The following ACER1 variants were observed in gnomAD, a reference collection of about 807,000 sequenced individuals.
ACER1 encodes alkaline ceramidase 1, also known as CTB-180A7.3.
Under a neutral mutation model 24.9 loss-of-function variants are expected in ACER1, and 28 were observed. The observed-to-expected ratio is 1.13, with a 90% CI of 0.83 to 1.54. ACER1 has a LOEUF of 1.54. Ranked by LOEUF, ACER1 falls within the 40% of genes most tolerant of loss-of-function variation. The pLI, the probability that ACER1 is intolerant of heterozygous loss-of-function variation, is 0.00. For synonymous variants in ACER1, 132 were observed against 131.4 expected, an observed-to-expected ratio of 1.00 and a Z score of -0.03; for missense variants, 352 against 349.3, an observed-to-expected ratio of 1.01 and a Z score of -0.06.
chr19:6,309,931 G>C (rs2091569587), intron 3 of ACER1, 97 bp from the exon 4 acceptor site: 1 of 1,494,708 alleles, frequency 6.7e-7, no homozygotes, highest in East Asian at 2.4e-5. Context: ...GGTGAGAAAA[G>C]GACAGGATTC....
Position 6,306,794 on chromosome 19 carries a change from T to C in ACER1, c.715A>G (p.Lys239Glu), listed in dbSNP as rs868034937. ...ANYEMPGETL[K>E]VRYWPRDSWP... ...CTGTCCCGAGGCCAGTAGCGGACTT[T>C]GAGGGTTTCACCTGGCATCTCATAG... is the stretch of plus-strand genomic sequence containing the variant. The change falls in exon 6 of 6, where the codon AAA becomes GAA. Residue 239 changes from lysine to glutamate, a missense_variant. By Grantham distance (56) the Lys-to-Glu change is moderately conservative (BLOSUM62 1). Transcript: ENST00000301452. 5 of 1,614,154 alleles carry C rather than the reference T, an allele frequency of 3.1e-6. No individual in the cohort carries two copies. The African/African-American group carries it at 6.7e-5, about 22-fold the overall frequency.
chr19:6,343,586 CCAT>C, the ACER1 span, among the ~76,000 whole-genome samples: 4,805 of 152,180 alleles, frequency 0.032, 263 homozygotes, highest in African/African-American at 0.11. Flanking sequence ...GCCTCCATAC[CCAT>C]CATGTGGCCC....
At chr19:6,337,030 G>A (rs1349586105), upstream of ACER1, among the ~76,000 whole-genome samples, 1 of 151,688 alleles carries the variant, frequency 6.6e-6, no homozygotes, top group East Asian at 1.9e-4. Flanking sequence ...ACAAAAATTA[G>A]CCTGGTGTGG....
At chr19:6,337,155 G>T (rs1441379230), upstream of ACER1, among the ~76,000 whole-genome samples, 1 of 147,752 alleles carries the variant, frequency 6.8e-6, no homozygotes, top group Non-Finnish European at 1.5e-5. Flanking sequence ...CAGCCTGGGC[G>T]ACAGGGTGAG....
At chr19:6,356,207 C>T in the ACER1 span, among the ~76,000 whole-genome samples, 1 of 149,922 alleles carries the variant, frequency 6.7e-6, no homozygotes, top group African/African-American at 2.5e-5. Flanking sequence ...TGTGCTGTGT[C>T]CACTCAGGGT....
chr19:6,334,052 GTT>G (rs112838660), upstream of ACER1, among the ~76,000 whole-genome samples: 7,346 of 143,960 alleles, frequency 0.051, 267 homozygotes, highest in African/African-American at 0.11. Flanking sequence ...CTAGCTAATT[GTT>G]TTTTTTTTTG....
chr19:6,342,448 GGTGGCTC>G, the ACER1 span, among the ~76,000 whole-genome samples: 1 of 151,870 alleles, frequency 6.6e-6, no homozygotes, highest in Admixed American at 6.6e-5. Flanking sequence ...GACCGGGAGT[GGTGGCTC>G]ACACCTGTAA....
chr19:6,343,806 C>T, the ACER1 span: 2 of 152,206 alleles, frequency 1.3e-5, no homozygotes, highest in East Asian at 3.8e-4. Flanking sequence ...GAGCCTGAAT[C>T]TTTAAACCAC....
chr19:6,325,069 T>C (rs899964796), intron 1 of ACER1, among the ~76,000 whole-genome samples: 5 of 152,140 alleles, frequency 3.3e-5, no homozygotes, highest in African/African-American at 4.8e-5. Context: ...TGCTGACTTC[T>C]GTTCCTGTTG....
intron 1 of ACER1, among the ~76,000 whole-genome samples, chr19:6,317,469 G>A (rs1227912901): frequency 6.6e-6 from 1 of 152,198 alleles, no homozygotes; most frequent in Non-Finnish European, 1.5e-5. Flanking sequence ...TTCTCAGCCC[G>A]TGGCCCTAGT....
intron 1 of ACER1, among the ~76,000 whole-genome samples, chr19:6,324,188 G>A (rs2091647081): frequency 1.3e-5 from 2 of 151,650 alleles, no homozygotes; most frequent in Admixed American, 1.3e-4. Context: ...GGGATTATAG[G>A]TGTGAGCCAC....
chr19:6,315,570 G>A (rs751331658), intron 1 of ACER1, among the ~76,000 whole-genome samples: 16 of 152,012 alleles, frequency 1.1e-4, no homozygotes, highest in African/African-American at 1.7e-4. Flanking sequence ...TAGTAGAGGC[G>A]GAGTTTCACC....
intron 1 of ACER1, among the ~76,000 whole-genome samples, chr19:6,317,061 C>T (rs2091606728): frequency 6.7e-6 from 1 of 149,458 alleles, no homozygotes; most frequent in South Asian, 2.1e-4. Flanking sequence ...GCAACCTCCG[C>T]ATCCTGGGTT....
the ACER1 span, among the ~76,000 whole-genome samples, chr19:6,350,093 C>G: frequency 6.6e-6 from 1 of 151,892 alleles, no homozygotes; most frequent in Admixed American, 6.6e-5. Flanking sequence ...ACTGCACTAC[C>G]GCACTCCAGC....
chr19:6,347,109 A>AAAAAAATATATATATATATATAT, the ACER1 span, among the ~76,000 whole-genome samples: 15 of 113,766 alleles, frequency 1.3e-4, 1 homozygote, highest in African/African-American at 7.1e-4. Flanking sequence ...AAAAAAAAAA[A>AAAAAAATATATATATATATATAT]ATATATATAT....
At chr19:6,351,225 G>T in the ACER1 span, among the ~76,000 whole-genome samples, 2 of 152,026 alleles carry the variant, frequency 1.3e-5, no homozygotes, top group African/African-American at 4.8e-5. Flanking sequence ...AATTAGCCGG[G>T]CCTGGTGGCG....
the ACER1 span, among the ~76,000 whole-genome samples, chr19:6,357,762 CAA>C: frequency 0.076 from 8,597 of 113,248 alleles, 349 homozygotes; most frequent in African/African-American, 0.15. Flanking sequence ...GACCCCGTCT[CAA>C]AAAAAAAAAA....
rs73559815 is a variant in ACER1 at position 6,307,336 on chromosome 19, C to T, written c.489-46G>A. The T allele has an allele frequency of 5.1e-3, 8,105 of 1,600,540 alleles. 297 individuals carry two copies. In the African/African-American group the frequency reaches 0.082, roughly 16 times the overall value. On this transcript the variant is annotated intron_variant, in intron 4 of 5. Transcript: ENST00000301452. ...CCAGGGGCTGGCTCGGAGAGCAGCA[C>T]CTGATGGGGCTGATGGGAAATTCCT...
At chr19:6,319,611 G>A (rs1023284253) in intron 1 of ACER1, among the ~76,000 whole-genome samples, 2 of 151,898 alleles carry the variant, frequency 1.3e-5, no homozygotes, top group Non-Finnish European at 2.9e-5. Context: ...CTGCCTTCTC[G>A]GGGTGTATAC....
Sources: allele counts gnomAD v4.1 joint callset (sites outside exome capture counted in the v4.1 genomes callset), GRCh38; gene constraint gnomAD v4.1.1; transcripts MANE v1.5; gene names NCBI Gene and HGNC (gene_info 2026-07-23, HGNC 2026-07-21).